KLC1: variants seen among roughly 807,000 people sequenced by gnomAD.
KLC1 encodes the protein kinesin 2 60/70kDa.
Under a neutral mutation model 84.2 loss-of-function variants are expected in KLC1, and 30 were observed. The observed-to-expected ratio is 0.36, with a 90% CI of 0.27 to 0.48. The LOEUF (loss-of-function observed/expected upper bound fraction) is 0.48. Among genes scored for constraint, KLC1 ranks in the 20% least tolerant of loss-of-function variants. The probability of loss-of-function intolerance (pLI) is 0.99; values close to 1 mark genes in which losing one functional copy is unlikely to be tolerated. For synonymous variants in KLC1, 289 were observed against 293.3 expected (o/e 0.99, Z 0.15); for missense variants, 499 against 805.4 (o/e 0.62, Z 4.60).
At chr14:103,686,007 A>G (rs2081754099) in intron 13 of KLC1, 1 of 1,089,256 alleles carries the variant, frequency 9.2e-7, no homozygotes, top group Non-Finnish European at 1.1e-6. Flanking sequence ...TGACGTAACT[A>G]AGCCTTACAG....
chr14:103,673,795 C>T (rs765636654), intron 9 of KLC1, among the ~76,000 whole-genome samples: 22 of 152,016 alleles, frequency 1.4e-4, no homozygotes, highest in Non-Finnish European at 2.9e-4. Context: ...TGATGGCGGC[C>T]GCCTGTAGTC....
intron 6 of KLC1, 106 bp from the exon 7 acceptor site, chr14:103,670,076 A>G (rs1385728793): frequency 1.1e-5 from 8 of 750,764 alleles, no homozygotes; most frequent in African/African-American, 3.5e-5. Flanking sequence ...TATCCGACTA[A>G]GAATGCTTTA....
At chr14:103,686,322 C>A (rs2081778154) in intron 13 of KLC1, 5 of 608,230 alleles carry the variant, frequency 8.2e-6, no homozygotes, top group Admixed American at 6.3e-5. Context: ...GGTGACAGTT[C>A]ATCTCACCAA....
intron 15 of KLC1, 36 bp from the exon 16 acceptor site, chr14:103,700,619 C>T (rs1380422021): frequency 5.1e-6 from 8 of 1,575,902 alleles, no homozygotes; most frequent in Middle Eastern, 1.8e-4. Context: ...GCCGCCTGCA[C>T]GCCCTGAGTG....
chr14:103,644,254 C>G (rs993991634), intron 1 of KLC1, among the ~76,000 whole-genome samples: 1 of 137,556 alleles, frequency 7.3e-6, no homozygotes, highest in Non-Finnish European at 1.6e-5. Flanking sequence ...ATTCTCGATT[C>G]TTTCTACGTG....
intron 14 of KLC1, 58 bp from the exon 15 acceptor site, chr14:103,692,298 CTGT>C: frequency 6.8e-7 from 1 of 1,478,748 alleles, no homozygotes; most frequent in Non-Finnish European, 9.1e-7. Context: ...CTTGTGCTTC[CTGT>C]TGCTGGTTGA....
At chr14:103,662,987 G>GC in intron 5 of KLC1, 60 bp downstream of exon 5, 2 of 1,156,968 alleles carry the variant, frequency 1.7e-6, no homozygotes, top group Middle Eastern at 4.0e-4. Flanking sequence ...TAACCATCTT[G>GC]CCCCTTAAAA....
rs190931411 is a variant in KLC1, at chr14:103,686,849, T to A, written c.1651-232T>A. ...ACTTGTTTGAATGAGCTTCCTTATG[T>A]CCAAAGGTTTTCATGATCATTGGAT... On this transcript the variant is annotated intron_variant, in intron 13 of 16. Transcript: ENST00000334553. 36 of 200,532 alleles carry A rather than the reference T, an allele frequency of 1.8e-4. No homozygotes were observed. In the East Asian group the frequency reaches 3.5e-3, roughly 20 times the overall value. The allele number at this position is 200,532 out of a possible 1,614,324, so 12.4% of individuals were successfully genotyped here. A position where few individuals can be genotyped will look rare whatever the true frequency, so the allele number is the denominator to read the frequency against.
At chr14:103,695,166 A>ATG (rs1252639427) in intron 15 of KLC1, 2 of 913,764 alleles carry the variant, frequency 2.2e-6, no homozygotes, top group Middle Eastern at 5.6e-4. Context: ...AATTATATAT[A>ATG]TATATATGGC....
chr14:103,634,193 T>A (rs1356443644), intron 1 of KLC1, among the ~76,000 whole-genome samples: 2 of 152,326 alleles, frequency 1.3e-5, no homozygotes, highest in South Asian at 2.1e-4. Flanking sequence ...TTAATCATTT[T>A]AAAATTTTTA....
At chr14:103,673,493 A>AT in intron 9 of KLC1, 62 bp downstream of exon 9, 11 of 986,008 alleles carry the variant, frequency 1.1e-5, no homozygotes, top group Non-Finnish European at 1.7e-5. Flanking sequence ...TAATAGTAAT[A>AT]TACTAATAGT....
chr14:103,678,612 C>T (rs1324989477), intron 12 of KLC1, among the ~76,000 whole-genome samples: 2 of 151,662 alleles, frequency 1.3e-5, no homozygotes, highest in Non-Finnish European at 2.9e-5. Flanking sequence ...ATCGCTTGAA[C>T]CCGGGAGCTG....
Position 103,677,508 on chromosome 14 carries a change from G to A in KLC1, c.1473G>A (p.Met491Ile), listed in dbSNP as rs758471989. The part of the protein sequence containing the change: ...EAAETLEEAA[M>I]RSRKQGLDNV... ...CAGAAACGTTAGAAGAAGCTGCTAT[G>A]AGGTCTCGTAAACAGGTTAGTCATA... The change falls in exon 12 of 17, where the codon ATG becomes ATA. Residue 491 changes from methionine (M) to isoleucine (I), a missense_variant. Physicochemically the swap from Met to Ile is conservative, Grantham distance 10. Around this residue, in one of 3 missense-constraint regions of KLC1, gnomAD observed 167 missense variants for 208.8 expected, o/e 0.80. Transcript: ENST00000334553. 2.5e-6 allele frequency: 4 copies of A among 1,612,942 alleles called. No individual in the cohort carries two copies. In the East Asian group the frequency reaches 8.9e-5, roughly 36 times the overall value.
intron 13 of KLC1, chr14:103,685,169 T>A: frequency 6.9e-7 from 1 of 1,456,532 alleles, no homozygotes; most frequent in South Asian, 1.4e-5. Context: ...ATCAACTGCA[T>A]GTTTAAAATG....
intron 5 of KLC1, among the ~76,000 whole-genome samples, chr14:103,668,879 G>A (rs988178195): frequency 4.0e-5 from 6 of 151,580 alleles, no homozygotes; most frequent in African/African-American, 7.3e-5. Flanking sequence ...CCAGGTTCAC[G>A]CCATTCTCCT....
intron 1 of KLC1, among the ~76,000 whole-genome samples, chr14:103,639,601 C>A (rs1368162980): frequency 6.6e-6 from 1 of 151,770 alleles, no homozygotes; most frequent in African/African-American, 2.4e-5. Flanking sequence ...TGCCACCACA[C>A]CCAACTAATT....
At chr14:103,698,487 T>G in intron 15 of KLC1, 5 of 407,342 alleles carry the variant, frequency 1.2e-5, no homozygotes, top group Non-Finnish European at 1.8e-5. Context: ...TCCCAGGGAG[T>G]CACTGTAGGA....
At chr14:103,698,972 A>C (rs2151904144) in intron 15 of KLC1, 1 of 1,599,684 alleles carries the variant, frequency 6.3e-7, no homozygotes, top group Non-Finnish European at 8.5e-7. Flanking sequence ...GGAGCTGGTT[A>C]GCCCAGGTTA....
At chr14:103,652,595 G>A (rs1372585536) in intron 1 of KLC1, among the ~76,000 whole-genome samples, 1 of 152,034 alleles carries the variant, frequency 6.6e-6, no homozygotes, top group African/African-American at 2.4e-5. Context: ...GGCTTCAAGC[G>A]ATTCTCCTGC....
Sources: gnomAD v4.1 joint callset for allele counts (sites outside exome capture counted in the v4.1 genomes callset) on GRCh38, gnomAD v4.1.1 for gene constraint, gnomAD v4.1.1 regional missense constraint, MANE v1.5 for transcripts, NCBI Gene and HGNC (gene_info 2026-07-23, HGNC 2026-07-21) for gene names.